DPF3: variants seen among roughly 807,000 people sequenced by gnomAD.
DPF3 encodes zinc finger protein DPF3.
DPF3 carries 18 observed loss-of-function variants against 56.8 expected under a neutral mutation model. The ratio of observed to expected loss-of-function variants is 0.32; its 90% CI spans 0.22 to 0.47. The LOEUF (loss-of-function observed/expected upper bound fraction) is 0.47. DPF3 is among the 20% of genes least tolerant of loss of function. DPF3 has a pLI of 1.00. For synonymous variants in DPF3, 188 were observed against 180.2 expected, an observed-to-expected ratio of 1.04 and a Z score of -0.35; for missense variants, 403 against 488.8, an observed-to-expected ratio of 0.82 and a Z score of 1.65.
chr14:72,636,937 GC>G (rs1438250756), intron 8 of DPF3, among the ~76,000 whole-genome samples: 1 of 152,214 alleles, frequency 6.6e-6, no homozygotes, highest in Non-Finnish European at 1.5e-5. Context: ...CTGTGTGGCT[GC>G]CCTTTCTTGG....
intron 4 of DPF3, among the ~76,000 whole-genome samples, chr14:72,727,847 G>A (rs139004920): frequency 3.2e-4 from 49 of 152,242 alleles, no homozygotes; most frequent in African/African-American, 8.7e-4. Flanking sequence ...TAATCCATTC[G>A]CTACATGTGT....
At position 72,838,756 on chromosome 14, in the gene DPF3, CAA is replaced by C. The variant is rs71109752; in HGVS notation, c.32+55299_32+55300del. Among the ~76,000 whole-genome samples, 603 of 145,556 alleles carry C rather than the reference CAA, an allele frequency of 4.1e-3. 4 individuals are homozygous for C. Among genetic ancestry groups the C allele is most frequent in the East Asian group, 0.027 (134 of 4,970 alleles). The stretch of plus-strand genomic sequence containing the variant: ...TGGATGACAGAACGAGACTCCGTCT[CAA>C]AAAAAAAAAAGGCAATTACTGTTGG... On this transcript the variant is annotated intron_variant, in intron 1 of 10. Coordinates refer to ENST00000556509, the MANE Select transcript of DPF3 (RefSeq NM_001280542.3).
intron 6 of DPF3, among the ~76,000 whole-genome samples, chr14:72,706,745 G>GCAC (rs1332343513): frequency 2.0e-5 from 3 of 151,996 alleles, no homozygotes; most frequent in Non-Finnish European, 2.9e-5. Context: ...ACCAGGCCCT[G>GCAC]CAGCCTCACA....
At chr14:72,827,488 C>G (rs556364650) in intron 1 of DPF3, among the ~76,000 whole-genome samples, 16 of 78,318 alleles carry the variant, frequency 2.0e-4, no homozygotes, top group African/African-American at 8.0e-4. Context: ...TCCCTTTACT[C>G]TTTTTTTTTT....
intron 1 of DPF3, among the ~76,000 whole-genome samples, chr14:72,890,471 A>C (rs1886705196): frequency 6.9e-6 from 1 of 145,960 alleles, no homozygotes; most frequent in African/African-American, 2.6e-5. Context: ...AGCCTGGGCA[A>C]CAGAGCAACA....
At chr14:72,830,365 C>T (rs560561846) in intron 1 of DPF3, among the ~76,000 whole-genome samples, 2 of 152,270 alleles carry the variant, frequency 1.3e-5, no homozygotes, top group South Asian at 4.1e-4. Context: ...GTTACACTGT[C>T]CTTATATTTT....
chr14:72,802,362 A>T (rs1426390005), intron 1 of DPF3, among the ~76,000 whole-genome samples: 2 of 152,152 alleles, frequency 1.3e-5, no homozygotes, highest in Non-Finnish European at 2.9e-5. Context: ...TTTGGGCTCC[A>T]GTTTGCTCAT....
chr14:72,662,225 A>C (rs1886246024), intron 8 of DPF3: 1 of 985,436 alleles, frequency 1.0e-6, no homozygotes, highest in East Asian at 1.1e-4. Flanking sequence ...CACATACATG[A>C]ATGGCTTTTT....
intron 3 of DPF3, among the ~76,000 whole-genome samples, chr14:72,732,851 CCCT>C (rs1310448585): frequency 1.3e-5 from 2 of 152,138 alleles, no homozygotes; most frequent in Admixed American, 6.5e-5. Context: ...TTCCCTCCCT[CCCT>C]CCTTTCTTTC....
intron 5 of DPF3, among the ~76,000 whole-genome samples, chr14:72,716,709 A>G (rs1888943386): frequency 6.6e-6 from 1 of 152,208 alleles, no homozygotes; most frequent in Non-Finnish European, 1.5e-5. Context: ...CTTAATAAAC[A>G]TTCGCCAAAT....
intron 8 of DPF3, among the ~76,000 whole-genome samples, chr14:72,648,703 G>T (rs1436767390): frequency 6.6e-6 from 1 of 151,752 alleles, no homozygotes; most frequent in African/African-American, 2.4e-5. Context: ...CTAACCCAAA[G>T]CCGACTGGCA....
chr14:72,881,466 T>A (rs1319131529), intron 1 of DPF3, among the ~76,000 whole-genome samples: 1 of 151,898 alleles, frequency 6.6e-6, no homozygotes, highest in Non-Finnish European at 1.5e-5. Context: ...TCTCCCTGTG[T>A]CGATAGTGGG....
At chr14:72,815,658 A>G (rs778311619) in intron 1 of DPF3, among the ~76,000 whole-genome samples, 4 of 152,236 alleles carry the variant, frequency 2.6e-5, no homozygotes, top group Non-Finnish European at 4.4e-5. Context: ...AGTAACATGG[A>G]TAAGTCTTAA....
intron 8 of DPF3, among the ~76,000 whole-genome samples, chr14:72,666,814 G>A (rs928020754): frequency 2.6e-5 from 4 of 152,074 alleles, no homozygotes; most frequent in South Asian, 4.1e-4. Flanking sequence ...CACAACACAA[G>A]TCACTTCTCC....
intron 7 of DPF3, among the ~76,000 whole-genome samples, chr14:72,678,694 G>T (rs763856435): frequency 1.3e-5 from 2 of 152,214 alleles, no homozygotes; most frequent in Non-Finnish European, 2.9e-5. Context: ...ATTGAGTCCC[G>T]CTTTATAGAA....
chr14:72,714,486 C>T lies in DPF3; in HGVS notation c.541G>A (p.Gly181Arg). Residue 181 changes from glycine to arginine, a missense_variant, in exon 6 of 11, where the codon GGG (glycine) becomes AGG (arginine). Physicochemically the swap from Gly to Arg is moderately radical, Grantham distance 125. Transcript: ENST00000556509. ...RTRGRARGSA[G>R]GRRRHDAASQ... ...GCGGCGTCGTGCCTCCTCCTGCCCC[C>T]TGCAGAGCCGCGAGCCTGGGGAGAC... The T allele has an allele frequency of 1.2e-6, 2 of 1,613,808 alleles. No homozygotes were observed. Among genetic ancestry groups the T allele is most frequent in the Non-Finnish European group, 8.5e-7 (1 of 1,179,766 alleles).
At chr14:72,659,286 T>G (rs1308062983) in intron 8 of DPF3, among the ~76,000 whole-genome samples, 1 of 152,234 alleles carries the variant, frequency 6.6e-6, no homozygotes, top group African/African-American at 2.4e-5. Context: ...GGTAACTACA[T>G]GTTTCCGAGT....
chr14:72,671,287 C>T lies in DPF3; in HGVS notation c.871+2953G>A, dbSNP rs538363982. 98 of 1,614,002 alleles carry T rather than the reference C, an allele frequency of 6.1e-5. No individual in the cohort carries two copies. Among genetic ancestry groups the T allele is most frequent in the East Asian group, 3.6e-4 (16 of 44,884 alleles). On this transcript the variant is annotated intron_variant, in intron 8 of 10. Transcript: ENST00000556509. The stretch of plus-strand genomic sequence containing the variant: ...GGAACCGAATAAGTCCTCCGTGGTA[C>T]GTGCTGCGGCCGCTGCCTCCTTCTC...
At chr14:72,825,721 G>GCCCAC (rs1883771421) in intron 1 of DPF3, among the ~76,000 whole-genome samples, 1 of 131,626 alleles carries the variant, frequency 7.6e-6, no homozygotes, top group African/African-American at 2.7e-5. Context: ...GCCCAGCCCA[G>GCCCAC]CCCACCCAGG....
Sources: gnomAD v4.1 joint callset for allele counts (sites outside exome capture counted in the v4.1 genomes callset) on GRCh38, gnomAD v4.1.1 for gene constraint, MANE v1.5 for transcripts, NCBI Gene and HGNC (gene_info 2026-07-23, HGNC 2026-07-21) for gene names.